ARHGAP32: variants seen among roughly 807,000 people sequenced by gnomAD.
The protein encoded by ARHGAP32 is rho GTPase-activating protein 32.
In ARHGAP32, 51 loss-of-function variants were observed where a neutral mutation model predicts 186.5. The observed-to-expected ratio is 0.27, with a 90% CI of 0.22 to 0.35. The LOEUF is 0.35. ARHGAP32 is among the 10% of genes least tolerant of loss of function. The pLI is 1.00. For synonymous variants in ARHGAP32, 950 were observed against 964.3 expected (o/e 0.99, Z 0.27); for missense variants, 2,186 against 2,623.5 (o/e 0.83, Z 3.64).
intron 1 of ARHGAP32, among the ~76,000 whole-genome samples, chr11:129,230,764 CAATAA>C (rs1944847776): frequency 6.6e-6 from 1 of 152,044 alleles, no homozygotes; most frequent in South Asian, 2.1e-4. Flanking sequence ...TACATCAAAT[CAATAA>C]CTGGTTAACT....
intron 12 of ARHGAP32, 77 bp downstream of exon 12, chr11:128,998,242 A>T: frequency 8.3e-7 from 1 of 1,206,508 alleles, no homozygotes; most frequent in Non-Finnish European, 1.1e-6. Flanking sequence ...GACTAAATCT[A>T]CTCCATAATT....
At chr11:129,219,222 T>G (rs1365771328) in intron 1 of ARHGAP32, among the ~76,000 whole-genome samples, 1 of 152,214 alleles carries the variant, frequency 6.6e-6, no homozygotes, top group African/African-American at 2.4e-5. Flanking sequence ...TTGAAAGGTG[T>G]GCTTTTTTCC....
At chr11:129,095,984 TA>T (rs1214891954) in intron 5 of ARHGAP32, among the ~76,000 whole-genome samples, 1 of 152,196 alleles carries the variant, frequency 6.6e-6, no homozygotes, top group African/African-American at 2.4e-5. Flanking sequence ...AAAGCTGTCA[TA>T]AAAGACCAGA....
intron 1 of ARHGAP32, among the ~76,000 whole-genome samples, chr11:129,215,444 A>T (rs1200612527): frequency 2.0e-5 from 3 of 152,240 alleles, no homozygotes; most frequent in Non-Finnish European, 4.4e-5. Context: ...TTAAAACAAC[A>T]GAAATGTATT....
intron 1 of ARHGAP32, among the ~76,000 whole-genome samples, chr11:129,230,256 G>C (rs906934036): frequency 6.6e-6 from 1 of 152,058 alleles, no homozygotes; most frequent in Non-Finnish European, 1.5e-5. Flanking sequence ...ATACTGCTTG[G>C]CCAATCCAAA....
chr11:129,228,452 T>C (rs1407712131), intron 1 of ARHGAP32, among the ~76,000 whole-genome samples: 1 of 152,178 alleles, frequency 6.6e-6, no homozygotes, highest in Non-Finnish European at 1.5e-5. Context: ...AAATTGATTC[T>C]TCCTTTTAAA....
At chr11:129,013,335 A>T (rs1223283841) in intron 11 of ARHGAP32, among the ~76,000 whole-genome samples, 1 of 152,164 alleles carries the variant, frequency 6.6e-6, no homozygotes, top group Non-Finnish European at 1.5e-5. Context: ...AGAACTTCAC[A>T]TCTAAACTGG....
chr11:129,028,042 C>T (rs1400763421), intron 11 of ARHGAP32, among the ~76,000 whole-genome samples: 1 of 152,220 alleles, frequency 6.6e-6, no homozygotes, highest in Non-Finnish European at 1.5e-5. Flanking sequence ...GTTTAGGAAA[C>T]ATTTTTGGTA....
At chr11:129,130,052 C>T (rs762563631) in intron 2 of ARHGAP32, among the ~76,000 whole-genome samples, 12 of 152,078 alleles carry the variant, frequency 7.9e-5, no homozygotes, top group Admixed American at 1.3e-4. Context: ...TTATAAACCT[C>T]GAAATTGGAG....
intron 11 of ARHGAP32, chr11:129,023,812 A>T (rs901610798): frequency 6.4e-5 from 55 of 857,984 alleles, no homozygotes; most frequent in South Asian, 5.3e-5. Flanking sequence ...AAAATTCTGA[A>T]TGTTGCTTGA....
upstream of ARHGAP32, among the ~76,000 whole-genome samples, chr11:129,196,467 A>G (rs1944393249): frequency 6.6e-6 from 1 of 152,228 alleles, no homozygotes; most frequent in Non-Finnish European, 1.5e-5. Context: ...AAGTATGAGA[A>G]GATGTGCATA....
chr11:129,037,409 C>T (rs1939391662), intron 11 of ARHGAP32, among the ~76,000 whole-genome samples: 1 of 151,514 alleles, frequency 6.6e-6, no homozygotes, highest in South Asian at 2.1e-4. Context: ...TGGAAAGATG[C>T]CTTGAGCCCA....
intron 2 of ARHGAP32, among the ~76,000 whole-genome samples, chr11:129,162,152 G>A (rs1467595874): frequency 3.3e-5 from 5 of 152,112 alleles, no homozygotes; most frequent in African/African-American, 1.2e-4. Flanking sequence ...GTCAGGGGGT[G>A]GGGGCTAGGG....
chr11:129,206,379 T>C (rs879340721), intron 1 of ARHGAP32, among the ~76,000 whole-genome samples: 4 of 152,070 alleles, frequency 2.6e-5, no homozygotes, highest in Non-Finnish European at 5.9e-5. Flanking sequence ...GCCTGGCTAG[T>C]TTTTAAATAT....
At chr11:129,196,832 A>G (rs1018500804), upstream of ARHGAP32, among the ~76,000 whole-genome samples, 1 of 152,114 alleles carries the variant, frequency 6.6e-6, no homozygotes, top group Admixed American at 6.6e-5. Flanking sequence ...CAAGGCAGGG[A>G]GATCACCTGA....
chr11:129,251,515 A>T (rs994214432), intron 1 of ARHGAP32, among the ~76,000 whole-genome samples: 1 of 152,242 alleles, frequency 6.6e-6, no homozygotes, highest in African/African-American at 2.4e-5. Context: ...TTTTAACATG[A>T]CATATTTGAC....
At position 128,973,126 on chromosome 11, in the gene ARHGAP32, G is replaced by A; in HGVS notation, c.3380C>T (p.Ala1127Val). 1.2e-6 allele frequency: 2 copies of A among 1,614,176 alleles called. No individual in the cohort carries two copies. The highest frequency in any genetic ancestry group is 2.2e-5 in the South Asian group (2 of 91,086). The change falls in exon 22 of 23, where the codon GCA becomes GTA. Residue 1127 changes from alanine to valine, a missense_variant. Around this residue, in one of 5 missense-constraint regions of ARHGAP32, gnomAD observed 1,502 missense variants for 1,570.0 expected, o/e 0.96. Transcript: ENST00000682385. ...TAGAGGATGGTCACAGTTTCCTGGT[G>A]CATTATTCTGGAGGTGGAACTGCTC... ...PAEQFHLQNN[A>V]PGNCDHPLPE...
At chr11:129,212,306 A>C (rs1944591263) in intron 1 of ARHGAP32, among the ~76,000 whole-genome samples, 1 of 152,190 alleles carries the variant, frequency 6.6e-6, no homozygotes, top group African/African-American at 2.4e-5. Flanking sequence ...TAAAAATGTA[A>C]CTATCAACTG....
At chr11:129,042,790 A>C (rs1196381240) in intron 10 of ARHGAP32, among the ~76,000 whole-genome samples, 1 of 152,170 alleles carries the variant, frequency 6.6e-6, no homozygotes, top group East Asian at 1.9e-4. Flanking sequence ...GAGCTTCCAG[A>C]TGTAGTCTCC....
Sources: allele counts gnomAD v4.1 joint callset (sites outside exome capture counted in the v4.1 genomes callset), GRCh38; gene constraint gnomAD v4.1.1; regional missense constraint gnomAD v4.1.1; transcripts MANE v1.5; gene names NCBI Gene and HGNC (gene_info 2026-07-23, HGNC 2026-07-21).